The following CCAR1 variants were observed in gnomAD, a reference collection of about 807,000 sequenced individuals.
CCAR1 encodes the protein cell division cycle and apoptosis regulator protein 1.
A neutral mutation model predicts 163.8 loss-of-function variants in CCAR1; 78 were observed. The ratio of observed to expected loss-of-function variants is 0.48; its 90% CI spans 0.40 to 0.57. The LOEUF (loss-of-function observed/expected upper bound fraction) is 0.57, where lower values mean the gene tolerates loss of function less well. Ranked by LOEUF, CCAR1 falls within the 20% of genes least tolerant of loss-of-function variation. The pLI is 0.00. For missense variants in CCAR1, 1,019 were observed against 1,365.2 expected, an observed-to-expected ratio of 0.75 and a Z score of 4.00; for synonymous variants, 443 against 460.7, an observed-to-expected ratio of 0.96 and a Z score of 0.49.
intron 8 of CCAR1, 104 bp downstream of exon 8, chr10:68,747,670 A>G: frequency 9.2e-7 from 1 of 1,083,286 alleles, no homozygotes; most frequent in Non-Finnish European, 1.3e-6. Flanking sequence ...GAAAACTTGA[A>G]GCCTAAAAAT....
chr10:68,765,782 T>G, intron 16 of CCAR1, 106 bp from the exon 17 acceptor site: 2 of 746,846 alleles, frequency 2.7e-6, no homozygotes, highest in Non-Finnish European at 4.3e-6. Flanking sequence ...CATGGGAATT[T>G]TGTTCCTTTT....
chr10:68,778,173 G>T (rs2056691371), intron 19 of CCAR1, among the ~76,000 whole-genome samples: 1 of 151,828 alleles, frequency 6.6e-6, no homozygotes, highest in African/African-American at 2.4e-5. Context: ...CCGAGATTGT[G>T]CCACTACGTT....
chr10:68,777,880 G>A (rs1183346894), intron 19 of CCAR1, among the ~76,000 whole-genome samples: 5 of 151,534 alleles, frequency 3.3e-5, no homozygotes, highest in East Asian at 1.9e-4. Flanking sequence ...TGCAGTGAGC[G>A]ATGATCACAC....
At position 68,761,845 on chromosome 10, in the gene CCAR1, G is replaced by A. The variant is rs547535287; in HGVS notation, c.2106+653G>A. Reference sequence around the variant, plus strand: ...TCGAACTCCTGACCTCAGGTGATCCGCTTACCTCAGCCTCTCAAAGTGCTG... The same window carrying A: ...TCGAACTCCTGACCTCAGGTGATCCACTTACCTCAGCCTCTCAAAGTGCTG... On this transcript the variant is annotated intron_variant, in intron 16 of 24. Transcript: ENST00000265872. Among the ~76,000 whole-genome samples the A allele has an allele frequency of 3.3e-5, 5 of 151,946 alleles. 1 individual carries two copies. The highest frequency in any genetic ancestry group is 4.2e-4 in the South Asian group (2 of 4,812).
intron 17 of CCAR1, among the ~76,000 whole-genome samples, chr10:68,770,808 T>G (rs1040153205): frequency 6.6e-6 from 1 of 152,208 alleles, no homozygotes; most frequent in Non-Finnish European, 1.5e-5. Context: ...CTAGGCGCGG[T>G]GGCTTACGCC....
At chr10:68,765,149 TCTC>T (rs1234573558) in intron 16 of CCAR1, among the ~76,000 whole-genome samples, 2 of 152,234 alleles carry the variant, frequency 1.3e-5, no homozygotes, top group Non-Finnish European at 2.9e-5. Context: ...ACCTGGGCGT[TCTC>T]CTATGTCTTT....
Position 68,784,690 on chromosome 10 carries a change from A to C in CCAR1, c.2651-1446A>C, listed in dbSNP as rs1483273616. Among the ~76,000 whole-genome samples, 3 of 152,152 alleles carry C rather than the reference A, an allele frequency of 2.0e-5. No individual in the cohort carries two copies. The East Asian group carries it at 5.8e-4, about 29-fold the overall frequency. On this transcript the variant is annotated intron_variant, in intron 19 of 24. Coordinates refer to ENST00000265872, the MANE Select transcript of CCAR1 (RefSeq NM_018237.4). ...CTGCCTCCCAAGTAGCTGGAACCGC[A>C]GGCATGCGCTACTTAGTCTGACTCA...
At chr10:68,723,612 G>A (rs2055893533) in intron 2 of CCAR1, among the ~76,000 whole-genome samples, 1 of 151,294 alleles carries the variant, frequency 6.6e-6, no homozygotes, top group Non-Finnish European at 1.5e-5. Context: ...ACTTTGGGAG[G>A]CCAAGGCGGG....
chr10:68,734,042 T>C (rs1275581635), intron 2 of CCAR1, among the ~76,000 whole-genome samples: 1 of 152,204 alleles, frequency 6.6e-6, no homozygotes, highest in Non-Finnish European at 1.5e-5. Context: ...ACATGATTTC[T>C]GGGATTTTGT....
intron 9 of CCAR1, 32 bp downstream of exon 9, chr10:68,749,297 G>C (rs2056300728): frequency 1.9e-6 from 3 of 1,573,350 alleles, no homozygotes; most frequent in Non-Finnish European, 2.6e-6. Flanking sequence ...GTGGATGGTG[G>C]CAATGGTTGT....
At chr10:68,727,045 G>C (rs1431885305) in intron 2 of CCAR1, among the ~76,000 whole-genome samples, 1 of 148,002 alleles carries the variant, frequency 6.8e-6, no homozygotes, top group Admixed American at 6.9e-5. Context: ...TTCAAAGCTG[G>C]ATCAGGCCTA....
At chr10:68,746,877 C>T (rs2056263091) in intron 6 of CCAR1, among the ~76,000 whole-genome samples, 1 of 152,040 alleles carries the variant, frequency 6.6e-6, no homozygotes, top group African/African-American at 2.4e-5. Flanking sequence ...CACACCCAGC[C>T]CCATCTACTT....
At chr10:68,735,242 G>A (rs1445295843) in intron 2 of CCAR1, among the ~76,000 whole-genome samples, 1 of 152,124 alleles carries the variant, frequency 6.6e-6, no homozygotes, top group Non-Finnish European at 1.5e-5. Context: ...CACCTACTCG[G>A]AAGGCTGAGG....
intron 2 of CCAR1, among the ~76,000 whole-genome samples, chr10:68,725,269 G>C (rs553677878): frequency 8.6e-4 from 131 of 152,200 alleles, no homozygotes; most frequent in African/African-American, 3.1e-3. Flanking sequence ...TTCGAGACCA[G>C]CTTGACCAAC....
chr10:68,774,213 G>A (rs946221936), intron 19 of CCAR1, among the ~76,000 whole-genome samples: 1 of 151,116 alleles, frequency 6.6e-6, no homozygotes, highest in Non-Finnish European at 1.5e-5. Flanking sequence ...TGTTTCATAG[G>A]CACGGGGTCT....
chr10:68,723,692 C>CA (rs1452472707), intron 2 of CCAR1, among the ~76,000 whole-genome samples: 2 of 149,752 alleles, frequency 1.3e-5, no homozygotes, highest in East Asian at 4.1e-4. Flanking sequence ...ACTAAAAATA[C>CA]AAAAAATTAG....
rs768699267 is a variant in CCAR1 at position 68,736,827 on chromosome 10, ATTC to A, written c.74-43_74-41del. ...TATGTACTGTTTTCATATTTTTTAT[ATTC>A]TTCTTAATCTTGATTTTTATTTTTT... On this transcript the variant is annotated intron_variant, in intron 2 of 24. Coordinates refer to ENST00000265872, the MANE Select transcript of CCAR1 (RefSeq NM_018237.4). 4.4e-5 allele frequency: 68 copies of A among 1,531,998 alleles called. 4 individuals are homozygous for A. The highest frequency in any genetic ancestry group is 4.4e-4 in the African/African-American group (32 of 72,338). The allele number at this position is 1,531,998 out of a possible 1,614,324, so 94.9% of individuals were successfully genotyped here.
chr10:68,765,722 G>A (rs1293989933), intron 16 of CCAR1, among the ~76,000 whole-genome samples, 166 bp from the exon 17 acceptor site: 1 of 152,108 alleles, frequency 6.6e-6, no homozygotes. Flanking sequence ...GTGAATTTGA[G>A]CTTTCCTCCC....
intron 2 of CCAR1, 121 bp from the exon 3 acceptor site, chr10:68,736,755 T>C: frequency 1.4e-6 from 1 of 732,436 alleles, no homozygotes; most frequent in Non-Finnish European, 2.2e-6. Flanking sequence ...ATATCTTGAC[T>C]ATTGTGAATA....
Sources: gnomAD v4.1 joint callset for allele counts (sites outside exome capture counted in the v4.1 genomes callset) on GRCh38, gnomAD v4.1.1 for gene constraint, MANE v1.5 for transcripts, NCBI Gene and HGNC (gene_info 2026-07-23, HGNC 2026-07-21) for gene names.